The following C12orf54 variants were observed in gnomAD, a reference collection of about 807,000 sequenced individuals.
The protein encoded by C12orf54 is uncharacterized protein C12orf54.
A neutral mutation model predicts 26.4 loss-of-function variants in C12orf54; 24 were observed. The ratio of observed to expected loss-of-function variants is 0.91; its 90% CI spans 0.66 to 1.28. The LOEUF (loss-of-function observed/expected upper bound fraction) is 1.28, where lower values mean the gene tolerates loss of function less well. Ranked by LOEUF, C12orf54 falls within the 50% of genes most tolerant of loss-of-function variation. C12orf54 has a pLI of 0.00. For missense variants in C12orf54, 154 were observed against 150.9 expected (o/e 1.02, Z -0.11); for synonymous variants, 54 against 47.0 (o/e 1.15, Z -0.61).
chr12:48,441,162 A>C, the C12orf54 span, among the ~76,000 whole-genome samples: 5 of 152,254 alleles, frequency 3.3e-5, no homozygotes, highest in Non-Finnish European at 7.3e-5. Flanking sequence ...GATAGGATGC[A>C]AATATCTAAG....
At chr12:48,488,865 C>G (rs1937719210) in intron 4 of C12orf54, 59 bp from the exon 5 acceptor site, 1 of 1,407,308 alleles carries the variant, frequency 7.1e-7, no homozygotes, top group Non-Finnish European at 1.0e-6. Flanking sequence ...TGTGAAATCC[C>G]TCTGTAATAA....
At position 48,493,002 on chromosome 12, in the gene C12orf54, G is replaced by A; in HGVS notation, c.242+7G>A. The A allele has an allele frequency of 1.2e-6, 2 of 1,613,220 alleles. No individual in the cohort carries two copies. The highest frequency in any genetic ancestry group is 2.2e-5 in the South Asian group (2 of 91,058). On this transcript the variant is annotated splice_region_variant and intron_variant, in intron 7 of 8. Transcript: ENST00000548364. ...CATCAGCACCCAGGACTGGGTAAGT[G>A]TCCCTATTCTGACAATGTTCAAGGG...
chr12:48,449,846 G>A, the C12orf54 span, among the ~76,000 whole-genome samples: 1 of 134,710 alleles, frequency 7.4e-6, no homozygotes, highest in Non-Finnish European at 1.5e-5. Context: ...ATCTCAACTT[G>A]AATTGTATCT....
chr12:48,494,972 T>G lies in C12orf54; in HGVS notation c.*33T>G. On this transcript the variant is annotated 3_prime_UTR_variant, in exon 8 of 9. Coordinates refer to ENST00000548364, the MANE Select transcript of C12orf54 (RefSeq NM_152319.4). Reference sequence around the variant, plus strand: ...ATCAAGGAAGAAGGACATCTCTGCTTCCGCCAGGTGCTTTACCCAAGCAGC... The same window carrying G: ...ATCAAGGAAGAAGGACATCTCTGCTGCCGCCAGGTGCTTTACCCAAGCAGC... The G allele has an allele frequency of 6.2e-7, 1 of 1,605,832 alleles. No homozygotes were observed. Among genetic ancestry groups the G allele is most frequent in the Non-Finnish European group, 8.5e-7 (1 of 1,173,652 alleles).
At position 48,483,370 on chromosome 12, in the gene C12orf54, G is replaced by C; in HGVS notation, c.65+9G>C. 6.2e-7 allele frequency: 1 copy of C among 1,612,964 alleles called. No homozygotes were observed. Among genetic ancestry groups the C allele is most frequent in the African/African-American group, 1.3e-5 (1 of 74,952 alleles). ...TCCAAGCAGCAGAGAAGGTAATGGGGCTAATGATGACCCTCAAACATCCTT... is the reference window on the plus strand; with the variant it reads ...TCCAAGCAGCAGAGAAGGTAATGGGCCTAATGATGACCCTCAAACATCCTT... On this transcript the variant is annotated intron_variant, in intron 2 of 8. Coordinates refer to ENST00000548364, the MANE Select transcript of C12orf54 (RefSeq NM_152319.4).
the C12orf54 span, among the ~76,000 whole-genome samples, chr12:48,437,184 T>C: frequency 2.0e-5 from 3 of 152,132 alleles, no homozygotes; most frequent in African/African-American, 7.2e-5. Context: ...ACATACATCC[T>C]CCCAAGACTA....
At chr12:48,460,082 G>T in the C12orf54 span, among the ~76,000 whole-genome samples, 1 of 152,186 alleles carries the variant, frequency 6.6e-6, no homozygotes, top group South Asian at 2.1e-4. Flanking sequence ...TGTTCCAAGG[G>T]TTTAGGAGTT....
At chr12:48,422,316 T>G in the C12orf54 span, among the ~76,000 whole-genome samples, 1 of 152,232 alleles carries the variant, frequency 6.6e-6, no homozygotes, top group Non-Finnish European at 1.5e-5. Context: ...ACCTGCTGGA[T>G]GGAGATGCCA....
the C12orf54 span, among the ~76,000 whole-genome samples, chr12:48,428,447 G>T: frequency 7.9e-5 from 12 of 151,898 alleles, no homozygotes; most frequent in African/African-American, 2.9e-4. Flanking sequence ...AAAGAAGACA[G>T]AAAATCCAAA....
chr12:48,489,108 T>A, intron 5 of C12orf54, 152 bp downstream of exon 5: 2 of 832,094 alleles, frequency 2.4e-6, no homozygotes, highest in South Asian at 1.3e-5. Context: ...TACCACTGAC[T>A]TGTCAGTCCA....
At chr12:48,437,760 A>T in the C12orf54 span, among the ~76,000 whole-genome samples, 1 of 152,222 alleles carries the variant, frequency 6.6e-6, no homozygotes, top group Non-Finnish European at 1.5e-5. Context: ...TCTCAAAATA[A>T]TAAGAGCTAT....
the C12orf54 span, among the ~76,000 whole-genome samples, chr12:48,448,250 T>G: frequency 2.0e-5 from 3 of 152,336 alleles, no homozygotes; most frequent in East Asian, 5.8e-4. Context: ...TTTGCTATAT[T>G]TATTGTAATT....
intron 5 of C12orf54, 52 bp downstream of exon 5, chr12:48,489,008 A>G: frequency 6.4e-7 from 1 of 1,563,248 alleles, no homozygotes. Flanking sequence ...ATGTGCCTTG[A>G]TCCCATTTTT....
At chr12:48,435,447 G>T in the C12orf54 span, among the ~76,000 whole-genome samples, 12 of 152,244 alleles carry the variant, frequency 7.9e-5, no homozygotes, top group East Asian at 3.9e-4. Flanking sequence ...GCAACTCCAA[G>T]ACATATAATT....
chr12:48,425,727 C>T, the C12orf54 span, among the ~76,000 whole-genome samples: 1 of 152,044 alleles, frequency 6.6e-6, no homozygotes, highest in Admixed American at 6.6e-5. Context: ...TCTCTGCAAC[C>T]TCGCCAGCAT....
the C12orf54 span, among the ~76,000 whole-genome samples, chr12:48,454,032 A>G: frequency 6.6e-6 from 1 of 151,394 alleles, no homozygotes; most frequent in South Asian, 2.1e-4. Flanking sequence ...AAAATAAATC[A>G]GGGGCTCTAA....
At chr12:48,463,114 T>A in the C12orf54 span, among the ~76,000 whole-genome samples, 3 of 151,678 alleles carry the variant, frequency 2.0e-5, no homozygotes, top group African/African-American at 7.3e-5. Flanking sequence ...AACTTAAAAT[T>A]AAAAGGGAAA....
the C12orf54 span, among the ~76,000 whole-genome samples, chr12:48,453,334 T>C: frequency 6.6e-6 from 1 of 151,294 alleles, no homozygotes; most frequent in Admixed American, 6.6e-5. Context: ...CTGGGGCCTG[T>C]TGGAGGGTGG....
chr12:48,448,688 T>A, the C12orf54 span, among the ~76,000 whole-genome samples: 1 of 152,252 alleles, frequency 6.6e-6, no homozygotes, highest in African/African-American at 2.4e-5. Context: ...AATTGGGACT[T>A]TCAATACAAT....
Sources: allele counts gnomAD v4.1 joint callset (sites outside exome capture counted in the v4.1 genomes callset), GRCh38; gene constraint gnomAD v4.1.1; transcripts MANE v1.5; gene names NCBI Gene and HGNC (gene_info 2026-07-23, HGNC 2026-07-21).